Variants in MEP1A observed in about 807,000 individuals in gnomAD.
The protein encoded by MEP1A is N-benzoyl-L-tyrosyl-P-amino-benzoic acid hydrolase subunit alpha.
In MEP1A, 68 loss-of-function variants were observed where a neutral mutation model predicts 84.5. The ratio of observed to expected loss-of-function variants is 0.80; its 90% CI spans 0.66 to 0.98. The LOEUF (loss-of-function observed/expected upper bound fraction) is 0.98, where lower values mean the gene tolerates loss of function less well. Among genes scored for constraint, MEP1A ranks in the 50% least tolerant of loss-of-function variants. MEP1A has a pLI of 0.00. For missense variants in MEP1A, 887 were observed against 919.9 expected (o/e 0.96, Z 0.46); for synonymous variants, 337 against 336.8 (o/e 1.00, Z -0.01).
intron 6 of MEP1A, among the ~76,000 whole-genome samples, chr6:46,816,214 A>G (rs1036727448): frequency 2.6e-4 from 39 of 152,144 alleles, no homozygotes; most frequent in Non-Finnish European, 4.7e-4. Context: ...CTGGGATTAC[A>G]GGCGTGAGCC....
intron 7 of MEP1A, among the ~76,000 whole-genome samples, chr6:46,820,055 TCTC>T (rs1767731730): frequency 6.6e-6 from 1 of 152,196 alleles, no homozygotes; most frequent in Admixed American, 6.5e-5. Context: ...GGATGTGAAA[TCTC>T]CTGTGCCTCT....
rs566772170 is a variant in MEP1A, at chr6:46,829,629, T to C, written c.1144+58T>C. On this transcript the variant is annotated intron_variant, in intron 10 of 13. Coordinates refer to ENST00000230588, the MANE Select transcript of MEP1A (RefSeq NM_005588.3). ...GGGTTAAAATCCGGGATCCTGCTTCTTCTCCTCCTTCCCTCTTTCCTCCTA... is the reference window on the plus strand; with the variant it reads ...GGGTTAAAATCCGGGATCCTGCTTCCTCTCCTCCTTCCCTCTTTCCTCCTA... 4 of 1,233,510 alleles carry C rather than the reference T, an allele frequency of 3.2e-6. No individual in the cohort carries two copies. The African/African-American group carries it at 5.9e-5, about 18-fold the overall frequency. The allele number at this position is 1,233,510 out of a possible 1,614,324, so 76.4% of individuals were successfully genotyped here.
chr6:46,833,601 C>A, intron 11 of MEP1A, 63 bp downstream of exon 11: 2 of 1,204,702 alleles, frequency 1.7e-6, no homozygotes, highest in Non-Finnish European at 2.4e-6. Flanking sequence ...AGATGTGATT[C>A]TGTGGTGCAA....
At chr6:46,801,351 T>C (rs1767194057) in intron 5 of MEP1A, among the ~76,000 whole-genome samples, 1 of 152,170 alleles carries the variant, frequency 6.6e-6, no homozygotes, top group African/African-American at 2.4e-5. Context: ...CGATTTTAAT[T>C]TGCATTTCCC....
At chr6:46,805,679 T>C (rs1767296670) in intron 5 of MEP1A, among the ~76,000 whole-genome samples, 1 of 152,014 alleles carries the variant, frequency 6.6e-6, no homozygotes. Context: ...CTTTTTTCTC[T>C]AGTTGTTTTC....
chr6:46,840,509 C>T (rs774168263), downstream of MEP1A, among the ~76,000 whole-genome samples: 1 of 152,184 alleles, frequency 6.6e-6, no homozygotes, highest in Non-Finnish European at 1.5e-5. Flanking sequence ...CTCCACCTCA[C>T]AGACACCTTG....
downstream of MEP1A, among the ~76,000 whole-genome samples, chr6:46,839,961 G>T (rs1768304435): frequency 6.6e-6 from 1 of 151,068 alleles, no homozygotes; most frequent in African/African-American, 2.4e-5. Flanking sequence ...AGTATTTTTA[G>T]ATATGCTTTC....
chr6:46,835,523 G>A lies in MEP1A; in HGVS notation c.2058G>A (p.Val686=), dbSNP rs374075302. 25 of 1,613,536 alleles carry A rather than the reference G, an allele frequency of 1.5e-5. No individual in the cohort carries two copies. In the African/African-American group the frequency reaches 2.5e-4, roughly 16 times the overall value. ...PNPCQNDGIC[V]NVKGMASCRC... is the part of the protein sequence containing the mutation. ...CTTGCCAAAATGACGGCATCTGTGT[G>A]AACGTGAAGGGGATGGCGAGCTGCA... The change falls in exon 13 of 14, where the codon GTG becomes GTA. Residue 686 remains valine (V), a synonymous_variant. Coordinates refer to ENST00000230588, the MANE Select transcript of MEP1A (RefSeq NM_005588.3).
intron 13 of MEP1A, 24 bp downstream of exon 13, chr6:46,835,573 A>C: frequency 6.2e-7 from 1 of 1,611,028 alleles, no homozygotes; most frequent in South Asian, 1.1e-5. Context: ...CTGGGGAGAC[A>C]GGCAGGCCAG....
At chr6:46,812,574 GCT>G (rs1378494803) in intron 6 of MEP1A, among the ~76,000 whole-genome samples, 1 of 151,636 alleles carries the variant, frequency 6.6e-6, no homozygotes, top group African/African-American at 2.4e-5. Context: ...GTCTATTTGT[GCT>G]CTTTCAGACT....
intron 6 of MEP1A, among the ~76,000 whole-genome samples, chr6:46,814,395 T>C (rs9472874): frequency 0.015 from 2,229 of 152,182 alleles, 50 homozygotes; most frequent in African/African-American, 0.05. Context: ...TTTCCAGAAG[T>C]TGTGATTGTT....
At chr6:46,793,852 T>C (rs1424259097) in intron 3 of MEP1A, 136 bp downstream of exon 3, 3 of 651,948 alleles carry the variant, frequency 4.6e-6, no homozygotes, top group East Asian at 5.8e-5. Context: ...TGTGAGAAAT[T>C]GCATTTTCTG....
chr6:46,812,613 T>G (rs2150746478), intron 6 of MEP1A, among the ~76,000 whole-genome samples: 1 of 152,278 alleles, frequency 6.6e-6, no homozygotes, highest in African/African-American at 2.4e-5. Flanking sequence ...TTCTATGAAC[T>G]TTCCTCTTAG....
At chr6:46,816,197 G>A (rs907154699) in intron 6 of MEP1A, among the ~76,000 whole-genome samples, 3 of 151,854 alleles carry the variant, frequency 2.0e-5, no homozygotes, top group Non-Finnish European at 4.4e-5. Context: ...CTCAACCTCC[G>A]AAAGTGCTGG....
At chr6:46,798,549 TG>T in intron 3 of MEP1A, 56 bp from the exon 4 acceptor site, 1 of 1,296,896 alleles carries the variant, frequency 7.7e-7, no homozygotes. Flanking sequence ...TTACGAAAGA[TG>T]CCTTTTAATA....
At chr6:46,834,319 G>A (rs751196138) in intron 11 of MEP1A, among the ~76,000 whole-genome samples, 158 of 151,936 alleles carry the variant, frequency 1.0e-3, no homozygotes, top group Non-Finnish European at 1.9e-3. Context: ...CTCAGTAGCA[G>A]ACAACTGATC....
At chr6:46,825,102 A>G (rs1767904877) in intron 7 of MEP1A, among the ~76,000 whole-genome samples, 170 bp from the exon 8 acceptor site, 1 of 135,420 alleles carries the variant, frequency 7.4e-6, no homozygotes, top group Non-Finnish European at 1.6e-5. Flanking sequence ...TATGTATTTA[A>G]ATAAATCTAT....
intron 8 of MEP1A, 79 bp downstream of exon 8, chr6:46,825,572 T>C: frequency 1.0e-6 from 1 of 990,182 alleles, no homozygotes; most frequent in Admixed American, 2.7e-5. Flanking sequence ...TCCTTTACAT[T>C]TTCCTTTACT....
intron 10 of MEP1A, among the ~76,000 whole-genome samples, chr6:46,830,119 G>A (rs1042915129): frequency 4.6e-5 from 7 of 151,684 alleles, no homozygotes; most frequent in Non-Finnish European, 8.8e-5. Flanking sequence ...ATGGTGGCGC[G>A]CGCGCATGTA....
Sources: allele counts gnomAD v4.1 joint callset (sites outside exome capture counted in the v4.1 genomes callset), GRCh38; gene constraint gnomAD v4.1.1; transcripts MANE v1.5; gene names NCBI Gene and HGNC (gene_info 2026-07-23, HGNC 2026-07-21).